BRMS1L: variants seen among roughly 807,000 people sequenced by gnomAD.
The protein encoded by BRMS1L is breast cancer metastasis-suppressor 1-like protein.
In BRMS1L, 23 loss-of-function variants were observed where a neutral mutation model predicts 50.3. That is an observed-to-expected ratio of 0.46 (90% CI 0.33 to 0.65). BRMS1L has a LOEUF of 0.65. Ranked by LOEUF, BRMS1L falls within the 30% of genes least tolerant of loss-of-function variation. The pLI is 0.02. For missense variants in BRMS1L, 286 were observed against 386.1 expected (o/e 0.74, Z 2.17); for synonymous variants, 114 against 126.9 (o/e 0.90, Z 0.69).
At chr14:35,836,988 A>C (rs1408157357) in intron 4 of BRMS1L, among the ~76,000 whole-genome samples, 1 of 152,006 alleles carries the variant, frequency 6.6e-6, no homozygotes, top group African/African-American at 2.4e-5. Flanking sequence ...AGGTATTTTA[A>C]TCTCTTTGTA....
intron 4 of BRMS1L, among the ~76,000 whole-genome samples, chr14:35,843,623 C>T (rs1010647151): frequency 9.8e-5 from 15 of 152,328 alleles, no homozygotes; most frequent in South Asian, 2.1e-4. Flanking sequence ...CTGTCCACCC[C>T]GGCTGGGAGG....
At chr14:35,858,506 C>T (rs778524618) in intron 4 of BRMS1L, 2 of 152,138 alleles carry the variant, frequency 1.3e-5, no homozygotes, top group Non-Finnish European at 2.9e-5. Flanking sequence ...TATTGCTTGT[C>T]TATTGCTTTA....
At chr14:35,839,882 C>G (rs764971160) in intron 4 of BRMS1L, among the ~76,000 whole-genome samples, 6 of 152,096 alleles carry the variant, frequency 3.9e-5, no homozygotes, top group Non-Finnish European at 8.8e-5. Context: ...GCCGGATTGC[C>G]CTGGCCAGAA....
chr14:35,839,284 T>C (rs960737138), intron 4 of BRMS1L, among the ~76,000 whole-genome samples: 9 of 152,226 alleles, frequency 5.9e-5, no homozygotes, highest in Non-Finnish European at 1.5e-5. Flanking sequence ...GCTTGTAATA[T>C]AGTTTGAAGT....
chr14:35,864,619 C>T (rs1218894921), intron 6 of BRMS1L, among the ~76,000 whole-genome samples: 1 of 152,106 alleles, frequency 6.6e-6, no homozygotes, highest in Non-Finnish European at 1.5e-5. Context: ...TACGTATATT[C>T]AGTTTCGGCA....
At chr14:35,845,860 G>T (rs2078126819) in intron 4 of BRMS1L, among the ~76,000 whole-genome samples, 2 of 152,110 alleles carry the variant, frequency 1.3e-5, no homozygotes, top group African/African-American at 4.8e-5. Context: ...GCCTCAAGCA[G>T]TCCTCCCATC....
intron 4 of BRMS1L, among the ~76,000 whole-genome samples, chr14:35,849,923 G>A (rs1489504542): frequency 1.3e-5 from 2 of 151,610 alleles, no homozygotes; most frequent in African/African-American, 2.4e-5. Flanking sequence ...GGGATCAAGC[G>A]ATTCTCGTGC....
intron 4 of BRMS1L, among the ~76,000 whole-genome samples, chr14:35,838,892 AT>A (rs199575255): frequency 0.061 from 9,203 of 152,072 alleles, 573 homozygotes; most frequent in African/African-American, 0.15. Flanking sequence ...CCATTTGTCA[AT>A]TTTGGCTTTT....
intron 4 of BRMS1L, among the ~76,000 whole-genome samples, chr14:35,840,204 T>C (rs2078045121): frequency 6.6e-6 from 1 of 152,162 alleles, no homozygotes; most frequent in Non-Finnish European, 1.5e-5. Context: ...CCAGCCTTGC[T>C]TCCCAGGTAT....
chr14:35,826,931 G>C (rs944173411), intron 1 of BRMS1L, among the ~76,000 whole-genome samples: 1 of 152,184 alleles, frequency 6.6e-6, no homozygotes, highest in Non-Finnish European at 1.5e-5. Context: ...GGAGCGACCA[G>C]CCCAGGCGGA....
chr14:35,836,819 C>A (rs879270065), intron 4 of BRMS1L, among the ~76,000 whole-genome samples: 1 of 151,958 alleles, frequency 6.6e-6, no homozygotes, highest in Non-Finnish European at 1.5e-5. Context: ...GAGGCCGAGG[C>A]GGGCAGATCA....
At chr14:35,832,784 T>C in intron 2 of BRMS1L, among the ~76,000 whole-genome samples, 194 bp from the exon 3 acceptor site, 1 of 152,334 alleles carries the variant, frequency 6.6e-6, no homozygotes, top group East Asian at 1.9e-4. Context: ...GAGTGATAGA[T>C]AGATACCTGT....
At chr14:35,850,166 T>C (rs943096708) in intron 4 of BRMS1L, among the ~76,000 whole-genome samples, 37 of 151,306 alleles carry the variant, frequency 2.4e-4, no homozygotes, top group African/African-American at 9.0e-4. Context: ...TTTTCAGATA[T>C]ATGGTTTGCA....
chr14:35,844,612 G>A (rs747197926), intron 4 of BRMS1L, among the ~76,000 whole-genome samples: 4 of 152,070 alleles, frequency 2.6e-5, no homozygotes, highest in South Asian at 2.1e-4. Context: ...GGGAGCTGCC[G>A]ACCCGAGCTG....
chr14:35,845,329 T>C (rs553105320), intron 4 of BRMS1L, among the ~76,000 whole-genome samples: 1 of 152,340 alleles, frequency 6.6e-6, no homozygotes, highest in African/African-American at 2.4e-5. Flanking sequence ...CTAACATTTT[T>C]CCAACAAGTA....
In BRMS1L at chr14:35,844,773, T is replaced by G. The variant is rs151320168; in HGVS notation, c.441+9850T>G. Among the ~76,000 whole-genome samples, 246 of 152,282 alleles carry G rather than the reference T, an allele frequency of 1.6e-3. 1 individual carries two copies. The East Asian group carries it at 0.018, about 11-fold the overall frequency. On this transcript the variant is annotated intron_variant, in intron 4 of 9. Transcript: ENST00000216807. ...GCCTGGGCAACATAGCAAGACCCCA[T>G]CACTAAAAAAATTACTTTTTATTTT...
At chr14:35,854,054 C>G (rs1372874629) in intron 4 of BRMS1L, among the ~76,000 whole-genome samples, 1 of 152,140 alleles carries the variant, frequency 6.6e-6, no homozygotes, top group Non-Finnish European at 1.5e-5. Flanking sequence ...TATAGTTGTT[C>G]AGTATTTTAG....
intron 3 of BRMS1L, among the ~76,000 whole-genome samples, chr14:35,833,512 A>G (rs144478183): frequency 6.6e-6 from 1 of 152,240 alleles, no homozygotes; most frequent in East Asian, 1.9e-4. Flanking sequence ...AAATTTTAAA[A>G]ATGTTTGATC....
At chr14:35,863,779 T>C (rs987173637) in intron 5 of BRMS1L, 91 bp from the exon 6 acceptor site, 14 of 1,162,102 alleles carry the variant, frequency 1.2e-5, no homozygotes, top group Middle Eastern at 2.0e-4. Context: ...CGTTTTTACA[T>C]GTAACTAAAT....
Sources: gnomAD v4.1 joint callset for allele counts (sites outside exome capture counted in the v4.1 genomes callset) on GRCh38, gnomAD v4.1.1 for gene constraint, MANE v1.5 for transcripts, NCBI Gene and HGNC (gene_info 2026-07-23, HGNC 2026-07-21) for gene names.